Variants in NUFIP1 observed in about 807,000 individuals in gnomAD.
NUFIP1 encodes the protein FMR1-interacting protein NUFIP1.
A neutral mutation model predicts 56.2 loss-of-function variants in NUFIP1; 38 were observed. The observed-to-expected ratio is 0.68, with a 90% CI of 0.52 to 0.89. NUFIP1 has a LOEUF of 0.89. NUFIP1 is among the 40% of genes least tolerant of loss of function. NUFIP1 has a pLI of 0.00. For synonymous variants in NUFIP1, 215 were observed against 212.4 expected, an observed-to-expected ratio of 1.01 and a Z score of -0.10; for missense variants, 567 against 605.8, an observed-to-expected ratio of 0.94 and a Z score of 0.67.
chr13:44,942,645 C>T (rs1870779221), intron 9 of NUFIP1, among the ~76,000 whole-genome samples: 1 of 152,142 alleles, frequency 6.6e-6, no homozygotes, highest in South Asian at 2.1e-4. Flanking sequence ...ATTGCTTAGA[C>T]ATGAAAATCT....
chr13:44,947,823 CCAAT>C (rs1320225594), intron 8 of NUFIP1, among the ~76,000 whole-genome samples: 1 of 152,058 alleles, frequency 6.6e-6, no homozygotes, highest in African/African-American at 2.4e-5. Context: ...CATCTTCACA[CCAAT>C]GTATGAGAAA....
At chr13:44,979,342 C>T in intron 4 of NUFIP1, 76 bp from the exon 5 acceptor site, 4 of 1,176,900 alleles carry the variant, frequency 3.4e-6, no homozygotes, top group Non-Finnish European at 3.7e-6. Context: ...TTTGTTTCTA[C>T]AAGTAAACTT....
chr13:44,974,811 A>G (rs1453646044), intron 5 of NUFIP1, among the ~76,000 whole-genome samples: 4 of 152,162 alleles, frequency 2.6e-5, no homozygotes, highest in Admixed American at 6.5e-5. Flanking sequence ...ATGAATTCAA[A>G]ATATACACAA....
At chr13:44,942,043 G>C (rs1312929373) in intron 9 of NUFIP1, among the ~76,000 whole-genome samples, 1 of 152,052 alleles carries the variant, frequency 6.6e-6, no homozygotes, top group Non-Finnish European at 1.5e-5. Flanking sequence ...GAGTAGCTGG[G>C]ATTACAGGCA....
At chr13:44,980,841 G>C in intron 2 of NUFIP1, 21 bp from the exon 3 acceptor site, 1 of 1,491,588 alleles carries the variant, frequency 6.7e-7, no homozygotes, top group Non-Finnish European at 9.2e-7. Context: ...AAACAGAGAG[G>C]AATTAGGCTT....
At chr13:44,982,189 A>T (rs1399972439) in intron 1 of NUFIP1, 35 bp from the exon 2 acceptor site, 10 of 1,012,996 alleles carry the variant, frequency 9.9e-6, no homozygotes, top group Middle Eastern at 2.9e-4. Flanking sequence ...GTTTGCAACA[A>T]TGTAATTATT....
At chr13:44,948,200 T>C (rs950464364) in intron 8 of NUFIP1, among the ~76,000 whole-genome samples, 2 of 145,876 alleles carry the variant, frequency 1.4e-5, no homozygotes, top group African/African-American at 2.6e-5. Context: ...TGGAGTACAG[T>C]GGCACAATCT....
chr13:44,969,379 TA>T (rs1371740433), intron 5 of NUFIP1, among the ~76,000 whole-genome samples: 3 of 152,154 alleles, frequency 2.0e-5, no homozygotes, highest in African/African-American at 7.2e-5. Flanking sequence ...TTCAGGTTCC[TA>T]AAGTACAAGA....
chr13:44,959,427 C>T lies in NUFIP1; in HGVS notation c.975G>A (p.Pro325=), dbSNP rs772965681. 6 of 1,613,988 alleles carry T rather than the reference C, an allele frequency of 3.7e-6. No individual in the cohort carries two copies. The highest frequency in any genetic ancestry group is 1.6e-4 in the Middle Eastern group (1 of 6,062). ...CACCAAGAGGATCTGCATTTGCCTC[C>T]GGTGGACCTTCTAGCTTCAAATCAC... is the stretch of plus-strand genomic sequence containing the variant. ...HLCDLKLEGP[P]EANADPLGVL... Residue 325 remains proline (P), a synonymous_variant, in exon 7 of 10, where the codon CCG becomes CCA. Transcript: ENST00000379161.
chr13:44,943,376 A>C lies in NUFIP1; in HGVS notation c.1371+66T>G, dbSNP rs181494607. The C allele has an allele frequency of 4.3e-3, 5,550 of 1,300,724 alleles. 9 individuals are homozygous for C. The highest frequency in any genetic ancestry group is 4.9e-3 in the Non-Finnish European group (4,449 of 910,664). The allele number at this position is 1,300,724 out of a possible 1,614,324, so 80.6% of individuals were successfully genotyped here. A position where few individuals can be genotyped will look rare whatever the true frequency, so the allele number is the denominator to read the frequency against. On this transcript the variant is annotated intron_variant, in intron 9 of 9. Transcript: ENST00000379161. Reference sequence around the variant, plus strand: ...AACACACACACACACACACACACACACCCCAGTGGCTCTATCTTTATGATG... The same window carrying C: ...AACACACACACACACACACACACACCCCCCAGTGGCTCTATCTTTATGATG...
intron 7 of NUFIP1, among the ~76,000 whole-genome samples, chr13:44,950,148 T>G (rs932837570): frequency 6.6e-6 from 1 of 152,244 alleles, no homozygotes; most frequent in African/African-American, 2.4e-5. Flanking sequence ...TCTTTGCTGT[T>G]CATTTACAGG....
intron 1 of NUFIP1, among the ~76,000 whole-genome samples, chr13:44,983,960 AT>A (rs1225498365): frequency 2.6e-5 from 4 of 152,146 alleles, no homozygotes; most frequent in African/African-American, 7.2e-5. Context: ...TTCATTATAT[AT>A]TACCCAACAG....
At chr13:44,966,001 G>A (rs1175392) in intron 5 of NUFIP1, 65 bp from the exon 6 acceptor site, 70,842 of 894,446 alleles carry the variant, frequency 0.079, 4,802 homozygotes, top group African/African-American at 0.31. Context: ...AAGCAATCAA[G>A]CAATTGCTGA....
At chr13:44,943,351 A>AACACAC (rs36045762) in intron 9 of NUFIP1, 91 bp downstream of exon 9, 34 of 938,580 alleles carry the variant, frequency 3.6e-5, no homozygotes, top group South Asian at 1.6e-4. Flanking sequence ...CCTTAAAACA[A>AACACAC]ACACACACAC....
At chr13:44,983,521 G>A (rs1872272121) in intron 1 of NUFIP1, among the ~76,000 whole-genome samples, 1 of 152,036 alleles carries the variant, frequency 6.6e-6, no homozygotes, top group African/African-American at 2.4e-5. Flanking sequence ...GGAGGGGCTG[G>A]CATGATGGCT....
At chr13:44,942,028 C>G (rs1029147750) in intron 9 of NUFIP1, among the ~76,000 whole-genome samples, 1 of 151,464 alleles carries the variant, frequency 6.6e-6, no homozygotes, top group Non-Finnish European at 1.5e-5. Context: ...CTGCCTCAGC[C>G]TCCCGAGTAG....
At chr13:44,955,871 CG>C (rs1871216687) in intron 7 of NUFIP1, among the ~76,000 whole-genome samples, 1 of 150,724 alleles carries the variant, frequency 6.6e-6, no homozygotes, top group African/African-American at 2.4e-5. Context: ...TGGCCGGGCG[CG>C]GTGGCTCACG....
At chr13:44,979,838 G>T in intron 4 of NUFIP1, 52 bp downstream of exon 4, 1 of 1,287,934 alleles carries the variant, frequency 7.8e-7, no homozygotes, top group South Asian at 1.3e-5. Context: ...GAAGATAACA[G>T]ATCAATAAAA....
chr13:44,989,054 G>A lies in NUFIP1; in HGVS notation c.383C>T (p.Pro128Leu), dbSNP rs985220345. Residue 128 changes from proline to leucine, a missense_variant, in exon 1 of 10, where the codon CCT (proline) becomes CTT (leucine). Physicochemically the swap from Pro to Leu is moderately conservative, Grantham distance 98. Transcript: ENST00000379161. ...AGGGTTGAAGGACTTCTGATGCCGA[G>A]GAAACCTATCAGAAGACTGTCTCCA... is the stretch of plus-strand genomic sequence containing the variant. ...WYWRQSSDRF[P>L]RHQKSFNPAV... 5.6e-6 allele frequency: 9 copies of A among 1,614,152 alleles called. No individual in the cohort carries two copies. The highest frequency in any genetic ancestry group is 1.7e-4 in the Middle Eastern group (1 of 6,044).
Sources: allele counts gnomAD v4.1 joint callset (sites outside exome capture counted in the v4.1 genomes callset), GRCh38; gene constraint gnomAD v4.1.1; transcripts MANE v1.5; gene names NCBI Gene and HGNC (gene_info 2026-07-23, HGNC 2026-07-21).